The following WDR64 variants were observed in gnomAD, a reference collection of about 807,000 sequenced individuals.
WDR64 encodes the protein WD repeat domain 64, also known as WD repeat-containing protein 64.
Under a neutral mutation model 139.3 loss-of-function variants are expected in WDR64, and 112 were observed. That is an observed-to-expected ratio of 0.80 (90% confidence interval 0.69 to 0.94). WDR64 has a LOEUF of 0.94. WDR64 is among the 40% of genes least tolerant of loss of function. The probability of loss-of-function intolerance (pLI) is 0.00; values close to 1 mark genes in which losing one functional copy is unlikely to be tolerated. For missense variants in WDR64, 1,206 were observed against 1,293.1 expected, an observed-to-expected ratio of 0.93 and a Z score of 1.03; for synonymous variants, 444 against 437.7, an observed-to-expected ratio of 1.01 and a Z score of -0.18.
rs147204152 is a variant in WDR64, at chr1:241,678,717, T to C, written c.513+501T>C. Reference sequence around the variant, plus strand: ...GTGACTTGCTTGCAGAATCTCATTATGGATTTACGAGAGCTGGGAGAATGC... The same window carrying C: ...GTGACTTGCTTGCAGAATCTCATTACGGATTTACGAGAGCTGGGAGAATGC... On this transcript the variant is annotated intron_variant, in intron 5 of 27. Transcript: ENST00000437684. Among the ~76,000 whole-genome samples, 399 of 152,264 alleles carry C rather than the reference T, an allele frequency of 2.6e-3. 1 individual carries two copies. The highest frequency in any genetic ancestry group is 8.9e-3 in the African/African-American group (371 of 41,564).
chr1:241,787,766 T>C (rs1404068054), intron 23 of WDR64, 83 bp from the exon 24 acceptor site: 1 of 1,263,346 alleles, frequency 7.9e-7, no homozygotes, highest in Non-Finnish European at 1.1e-6. Context: ...CCAGCGCTAA[T>C]TTACATAAAC....
Position 241,770,683 on chromosome 1 carries a change from G to A in WDR64, c.2246G>A (p.Ser749Asn), listed in dbSNP as rs980530854. 5.8e-6 allele frequency: 9 copies of A among 1,551,268 alleles called. No homozygotes were observed. Among genetic ancestry groups the A allele is most frequent in the African/African-American group, 4.1e-5 (3 of 72,998 alleles). The stretch of plus-strand genomic sequence containing the variant: ...TGTGAATCCAGCAAAGGTCCACAGA[G>A]CAGTAAGGTAAGCAAGACACAGACA... ...SQCESSKGPQSSKGSKQSIHD... is the reference protein window; with the variant it reads ...SQCESSKGPQNSKGSKQSIHD... Residue 749 changes from serine (S) to asparagine (N), a missense_variant, in exon 18 of 28, where the codon AGC becomes AAC. Coordinates refer to ENST00000437684, the MANE Select transcript of WDR64 (RefSeq NM_001367482.1).
intron 21 of WDR64, among the ~76,000 whole-genome samples, chr1:241,777,741 C>CT (rs1227064528): frequency 6.6e-6 from 1 of 152,078 alleles, no homozygotes; most frequent in Non-Finnish European, 1.5e-5. Flanking sequence ...ATACAAAATA[C>CT]TTTTAAATTT....
chr1:241,713,407 G>GAGGAAGGGAAGGAAAGGAAGGA (rs1668263907), intron 9 of WDR64, among the ~76,000 whole-genome samples: 1 of 131,344 alleles, frequency 7.6e-6, no homozygotes, highest in African/African-American at 2.8e-5. Context: ...GGGAGGGAGG[G>GAGGAAGGGAAGGAAAGGAAGGA]AGGAAGGGAA....
At chr1:241,730,452 T>A (rs1669033945) in intron 10 of WDR64, among the ~76,000 whole-genome samples, 1 of 152,232 alleles carries the variant, frequency 6.6e-6, no homozygotes, top group Non-Finnish European at 1.5e-5. Flanking sequence ...TTATTGCGTT[T>A]CTGAGTGTCT....
At chr1:241,679,635 C>G in intron 6 of WDR64, 40 bp downstream of exon 6, 1 of 1,513,124 alleles carries the variant, frequency 6.6e-7, no homozygotes. Context: ...ATGAGATTGT[C>G]TTTTCAGTAG....
intron 15 of WDR64, among the ~76,000 whole-genome samples, chr1:241,763,050 A>G (rs549671301): frequency 2.0e-5 from 3 of 152,326 alleles, no homozygotes; most frequent in African/African-American, 4.8e-5. Flanking sequence ...ATGTCCTCGT[A>G]GACCAATTCT....
intron 3 of WDR64, among the ~76,000 whole-genome samples, chr1:241,674,002 C>A (rs1000420695): frequency 6.6e-6 from 1 of 151,954 alleles, no homozygotes; most frequent in Non-Finnish European, 1.5e-5. Context: ...TGACTCCAAA[C>A]GATGTTTAGA....
At chr1:241,749,896 G>A (rs1221151637) in intron 14 of WDR64, among the ~76,000 whole-genome samples, 174 bp downstream of exon 14, 4 of 152,146 alleles carry the variant, frequency 2.6e-5, no homozygotes, top group South Asian at 2.1e-4. Flanking sequence ...TAGGCAAAGA[G>A]CAAAAAACAA....
intron 10 of WDR64, among the ~76,000 whole-genome samples, chr1:241,735,309 G>T (rs1669254060): frequency 6.6e-6 from 1 of 151,768 alleles, no homozygotes; most frequent in South Asian, 2.1e-4. Flanking sequence ...CTTGGCCAAT[G>T]AACATTTGAG....
intron 14 of WDR64, among the ~76,000 whole-genome samples, chr1:241,750,937 C>A (rs551131466): frequency 6.6e-6 from 1 of 152,146 alleles, no homozygotes; most frequent in African/African-American, 2.4e-5. Flanking sequence ...TTGGAGCGGG[C>A]AGCTTTATAA....
At position 241,771,945 on chromosome 1, in the gene WDR64, C is replaced by CATATATAT. The variant is rs57383177; in HGVS notation, c.2290+285_2290+292dup. On this transcript the variant is annotated intron_variant, in intron 19 of 27. Transcript: ENST00000437684. ...ATACATACATATACATACATACATA[C>CATATATAT]ATATATATATATATATATATATATA... Among the ~76,000 whole-genome samples the CATATATAT allele has an allele frequency of 3.6e-3, 222 of 62,258 alleles. 4 individuals are homozygous for CATATATAT. The highest frequency in any genetic ancestry group is 0.01 in the Middle Eastern group (1 of 98). 40.8% of individuals were successfully genotyped at this position (62,258 alleles called of 152,430 possible).
chr1:241,704,417 T>C (rs1411795414), intron 8 of WDR64, among the ~76,000 whole-genome samples: 1 of 152,252 alleles, frequency 6.6e-6, no homozygotes, highest in Non-Finnish European at 1.5e-5. Context: ...TAGAGTAAGA[T>C]ACTTCTAATA....
At chr1:241,773,042 A>C in intron 20 of WDR64, 111 bp downstream of exon 20, 1 of 1,287,498 alleles carries the variant, frequency 7.8e-7, no homozygotes, top group Middle Eastern at 2.2e-4. Context: ...TATTTTTTCA[A>C]CTTTCTAGCC....
chr1:241,706,824 A>C (rs1350113085), intron 8 of WDR64, among the ~76,000 whole-genome samples: 1 of 152,188 alleles, frequency 6.6e-6, no homozygotes, highest in Non-Finnish European at 1.5e-5. Flanking sequence ...AAGGTATTTT[A>C]ACAAATTTTA....
intron 25 of WDR64, among the ~76,000 whole-genome samples, chr1:241,794,072 T>C (rs1007327390): frequency 5.3e-5 from 8 of 151,886 alleles, no homozygotes; most frequent in African/African-American, 1.9e-4. Flanking sequence ...TCCCAGCTAC[T>C]TGGGAGGCTG....
At chr1:241,685,475 A>T (rs1389502864) in intron 7 of WDR64, among the ~76,000 whole-genome samples, 2 of 152,120 alleles carry the variant, frequency 1.3e-5, no homozygotes, top group African/African-American at 4.8e-5. Context: ...AATATTGAGT[A>T]TAAGTATCCA....
intron 3 of WDR64, among the ~76,000 whole-genome samples, chr1:241,671,480 T>G (rs1666226478): frequency 1.3e-5 from 2 of 152,220 alleles, no homozygotes; most frequent in South Asian, 4.1e-4. Flanking sequence ...GTCACAATAA[T>G]GCATGCTCCA....
intron 15 of WDR64, among the ~76,000 whole-genome samples, chr1:241,763,392 G>T (rs929356840): frequency 2.0e-5 from 3 of 152,014 alleles, no homozygotes; most frequent in Non-Finnish European, 4.4e-5. Flanking sequence ...TTTTGCAACA[G>T]ACTTTAAAAT....
Sources: gnomAD v4.1 joint callset for allele counts (sites outside exome capture counted in the v4.1 genomes callset) on GRCh38, gnomAD v4.1.1 for gene constraint, MANE v1.5 for transcripts, NCBI Gene and HGNC (gene_info 2026-07-23, HGNC 2026-07-21) for gene names.